Variants in CSMD1 observed in about 807,000 individuals in gnomAD.
CSMD1 encodes the protein CUB and sushi domain-containing protein 1.
A neutral mutation model predicts 417.5 loss-of-function variants in CSMD1; 213 were observed. That is an observed-to-expected ratio of 0.51 (90% CI 0.46 to 0.57). CSMD1 has a LOEUF of 0.57. CSMD1 is among the 20% of genes least tolerant of loss of function. CSMD1 has a pLI of 0.00. For missense variants in CSMD1, 6,923 were observed against 4,529.7 expected, an observed-to-expected ratio of 1.53 and a Z score of -15.17; for synonymous variants, 2,862 against 1,736.8, an observed-to-expected ratio of 1.65 and a Z score of -16.11.
intron 2 of CSMD1, among the ~76,000 whole-genome samples, chr8:4,433,861 C>A (rs1009302607): frequency 6.6e-6 from 1 of 152,196 alleles, no homozygotes; most frequent in East Asian, 1.9e-4. Context: ...GAATCTAAAG[C>A]ACACAGGCAC....
In CSMD1 at chr8:4,779,853, C is replaced by T. The variant is rs549464350; in HGVS notation, c.86-142295G>A. Among the ~76,000 whole-genome samples the T allele has an allele frequency of 1.6e-3, 247 of 152,224 alleles. 2 individuals carry two copies. The highest frequency in any genetic ancestry group is 1.4e-3 in the Non-Finnish European group (96 of 67,994). On this transcript the variant is annotated intron_variant, in intron 1 of 69. Coordinates refer to ENST00000635120, the MANE Select transcript of CSMD1 (RefSeq NM_033225.6). ...AGCAGCATCTTCCACTTCCAAACAG[C>T]AGCAGCAACTGCTCCCCAGGCTTGC...
intron 2 of CSMD1, among the ~76,000 whole-genome samples, chr8:4,504,224 G>A (rs916960018): frequency 6.6e-6 from 1 of 152,166 alleles, no homozygotes; most frequent in Non-Finnish European, 1.5e-5. Context: ...AACCAAGTCA[G>A]TTACAGAAAG....
intron 5 of CSMD1, among the ~76,000 whole-genome samples, chr8:3,759,290 T>A (rs190274681): frequency 6.6e-6 from 1 of 152,308 alleles, no homozygotes; most frequent in African/African-American, 2.4e-5. Flanking sequence ...TTAATCAGAA[T>A]GATCTAGAAT....
chr8:3,304,730 CTTTTTAATTTTTTT>C (rs1804689717), intron 25 of CSMD1, among the ~76,000 whole-genome samples: 2 of 151,732 alleles, frequency 1.3e-5, no homozygotes, highest in South Asian at 4.2e-4. Context: ...TTATTTTTCT[CTTTTTAATTTTTTT>C]TATTAAAATG....
At chr8:3,903,324 C>G (rs1218345994) in intron 5 of CSMD1, among the ~76,000 whole-genome samples, 1 of 24,736 alleles carries the variant, frequency 4.0e-5, no homozygotes, top group Non-Finnish European at 6.8e-5. Context: ...ATTAATCTGT[C>G]CAGCTAAAAA....
intron 7 of CSMD1, among the ~76,000 whole-genome samples, chr8:3,678,869 T>G (rs552782952): frequency 6.6e-6 from 1 of 152,172 alleles, no homozygotes; most frequent in South Asian, 2.1e-4. Flanking sequence ...CAGAAAAGAC[T>G]GGGGGCCAAT....
chr8:2,942,075 T>C (rs994880886), intron 69 of CSMD1, among the ~76,000 whole-genome samples: 4 of 152,156 alleles, frequency 2.6e-5, no homozygotes, highest in Non-Finnish European at 5.9e-5. Flanking sequence ...AAATAAGCAT[T>C]GTTAGTCCAA....
intron 5 of CSMD1, among the ~76,000 whole-genome samples, chr8:3,823,342 C>T (rs564358246): frequency 2.0e-4 from 30 of 152,118 alleles, no homozygotes; most frequent in Non-Finnish European, 3.7e-4. Context: ...GGACCCAGTA[C>T]TCTCATTTTT....
At chr8:4,464,979 G>C (rs541114984) in intron 2 of CSMD1, among the ~76,000 whole-genome samples, 2 of 152,076 alleles carry the variant, frequency 1.3e-5, no homozygotes, top group Non-Finnish European at 2.9e-5. Context: ...CCACCAGAAT[G>C]ACTTCTTTTT....
intron 11 of CSMD1, 75 bp downstream of exon 11, chr8:3,493,548 A>C (rs1434478247): frequency 1.5e-5 from 19 of 1,248,998 alleles, no homozygotes; most frequent in Non-Finnish European, 2.2e-5. Flanking sequence ...ACAAGCCTGT[A>C]GCAGAATCTC....
intron 69 of CSMD1, among the ~76,000 whole-genome samples, chr8:2,941,336 A>T (rs1055283140): frequency 6.6e-6 from 1 of 152,240 alleles, no homozygotes; most frequent in African/African-American, 2.4e-5. Flanking sequence ...AGTTTTGAAA[A>T]AATAATATCA....
intron 2 of CSMD1, among the ~76,000 whole-genome samples, chr8:4,508,804 G>A (rs1050270391): frequency 2.2e-4 from 34 of 152,192 alleles, no homozygotes; most frequent in African/African-American, 7.7e-4. Context: ...GTCATAATAT[G>A]TCTACTATTT....
intron 2 of CSMD1, among the ~76,000 whole-genome samples, chr8:4,558,496 C>T (rs1164652384): frequency 1.3e-5 from 2 of 152,128 alleles, no homozygotes; most frequent in Non-Finnish European, 2.9e-5. Flanking sequence ...TACAATTATT[C>T]TCATGGGATT....
chr8:3,777,657 C>A (rs1294352176), intron 5 of CSMD1, among the ~76,000 whole-genome samples: 1 of 152,236 alleles, frequency 6.6e-6, no homozygotes, highest in African/African-American at 2.4e-5. Context: ...CTCCAAGGAG[C>A]CTCCTTGAAG....
At chr8:4,129,072 C>T (rs1203041237) in intron 3 of CSMD1, among the ~76,000 whole-genome samples, 2 of 43,944 alleles carry the variant, frequency 4.6e-5, no homozygotes, top group African/African-American at 1.5e-4. Flanking sequence ...GAGAGTCCAA[C>T]TCAAAAAAAA....
At chr8:4,742,693 T>C (rs1228572945) in intron 1 of CSMD1, among the ~76,000 whole-genome samples, 1 of 152,144 alleles carries the variant, frequency 6.6e-6, no homozygotes, top group Non-Finnish European at 1.5e-5. Context: ...GACAATCAGG[T>C]TGGTTTTATT....
intron 7 of CSMD1, among the ~76,000 whole-genome samples, chr8:3,676,040 T>C (rs776549496): frequency 2.6e-5 from 4 of 152,220 alleles, no homozygotes; most frequent in African/African-American, 7.2e-5. Flanking sequence ...ATGACAAATA[T>C]AGGCATAGGA....
chr8:4,818,636 G>C (rs1044988608), intron 1 of CSMD1, among the ~76,000 whole-genome samples: 1 of 151,954 alleles, frequency 6.6e-6, no homozygotes, highest in Non-Finnish European at 1.5e-5. Context: ...GCCAGTAAAA[G>C]GAAATAATAT....
intron 2 of CSMD1, among the ~76,000 whole-genome samples, chr8:4,610,052 C>A (rs925492540): frequency 6.6e-6 from 1 of 151,860 alleles, no homozygotes; most frequent in Non-Finnish European, 1.5e-5. Context: ...AATTAGATAT[C>A]ATTTCATCCA....
Sources: allele counts gnomAD v4.1 joint callset (sites outside exome capture counted in the v4.1 genomes callset), GRCh38; gene constraint gnomAD v4.1.1; transcripts MANE v1.5; gene names NCBI Gene and HGNC (gene_info 2026-07-23, HGNC 2026-07-21).